GPC6: variants seen among roughly 807,000 people sequenced by gnomAD.
The protein encoded by GPC6 is glypican-6.
A neutral mutation model predicts 55.2 loss-of-function variants in GPC6; 14 were observed. The ratio of observed to expected loss-of-function variants is 0.25; its 90% CI spans 0.17 to 0.40. GPC6 has a LOEUF of 0.40. Among genes scored for constraint, GPC6 ranks in the 10% least tolerant of loss-of-function variants. GPC6 has a pLI of 1.00. For synonymous variants in GPC6, 278 were observed against 259.6 expected (o/e 1.07, Z -0.68); for missense variants, 641 against 708.5 (o/e 0.90, Z 1.08).
chr13:93,854,957 G>A (rs1888547606), intron 3 of GPC6, among the ~76,000 whole-genome samples: 2 of 151,470 alleles, frequency 1.3e-5, no homozygotes, highest in Admixed American at 6.6e-5. Flanking sequence ...CTCACCTCAT[G>A]TACAGCCTCC....
upstream of GPC6, among the ~76,000 whole-genome samples, chr13:93,222,385 G>C (rs1875649190): frequency 6.6e-6 from 1 of 152,182 alleles, no homozygotes; most frequent in Non-Finnish European, 1.5e-5. Context: ...CTTCTGGAAA[G>C]CATTCCTGAC....
At chr13:94,043,691 G>A (rs1489465727) in intron 4 of GPC6, among the ~76,000 whole-genome samples, 1 of 151,602 alleles carries the variant, frequency 6.6e-6, no homozygotes, top group East Asian at 1.9e-4. Flanking sequence ...GAGAAATCCG[G>A]TTTTCTTTAT....
At chr13:93,708,107 CATT>C (rs778554106) in intron 2 of GPC6, among the ~76,000 whole-genome samples, 1 of 151,630 alleles carries the variant, frequency 6.6e-6, no homozygotes, top group Admixed American at 6.6e-5. Context: ...TAGCGGAAAA[CATT>C]ATAAATATTT....
chr13:94,329,091 T>C (rs1287337626), intron 6 of GPC6, among the ~76,000 whole-genome samples: 2 of 152,240 alleles, frequency 1.3e-5, no homozygotes, highest in African/African-American at 2.4e-5. Context: ...CTCAGCTTTA[T>C]TTCCCTTTTG....
intron 2 of GPC6, among the ~76,000 whole-genome samples, chr13:93,693,906 C>T (rs1195926536): frequency 6.6e-6 from 1 of 152,032 alleles, no homozygotes; most frequent in Non-Finnish European, 1.5e-5. Context: ...TGTTTCATGC[C>T]CACCTTCTAT....
At chr13:93,259,956 T>A (rs1877084935) in intron 1 of GPC6, among the ~76,000 whole-genome samples, 1 of 152,092 alleles carries the variant, frequency 6.6e-6, no homozygotes, top group South Asian at 2.1e-4. Flanking sequence ...TAAAACACAT[T>A]TTTGAAGTTC....
In GPC6 at chr13:93,552,065, C is replaced by T. The variant is rs188820346; in HGVS notation, c.319+6644C>T. Among the ~76,000 whole-genome samples the T allele has an allele frequency of 4.6e-3, 704 of 152,242 alleles. 1 individual carries two copies. Among genetic ancestry groups the T allele is most frequent in the Non-Finnish European group, 7.8e-3 (529 of 68,008 alleles). On this transcript the variant is annotated intron_variant, in intron 2 of 8. Coordinates refer to ENST00000377047, the MANE Select transcript of GPC6 (RefSeq NM_005708.5). ...AATTCATAGGGCTTATAATGTTAATCATTCTAGGAAGTAATTAGCTGAATG... is the reference window on the plus strand; with the variant it reads ...AATTCATAGGGCTTATAATGTTAATTATTCTAGGAAGTAATTAGCTGAATG...
chr13:94,054,208 G>A (rs775429942), intron 4 of GPC6, among the ~76,000 whole-genome samples: 3 of 152,130 alleles, frequency 2.0e-5, no homozygotes, highest in East Asian at 1.9e-4. Flanking sequence ...TACCCGCCCC[G>A]CCATTCCTAA....
At chr13:93,988,197 T>C (rs1262555939) in intron 3 of GPC6, among the ~76,000 whole-genome samples, 1 of 152,170 alleles carries the variant, frequency 6.6e-6, no homozygotes, top group African/African-American at 2.4e-5. Context: ...TCTAAAAAGT[T>C]TTCTAGGTGA....
At chr13:93,998,398 C>T (rs533138347) in intron 3 of GPC6, among the ~76,000 whole-genome samples, 10 of 152,126 alleles carry the variant, frequency 6.6e-5, no homozygotes, top group Non-Finnish European at 1.3e-4. Flanking sequence ...CCAATATGCA[C>T]AAAACTCAAG....
chr13:93,992,540 T>C (rs1881358287), intron 3 of GPC6, among the ~76,000 whole-genome samples: 1 of 152,166 alleles, frequency 6.6e-6, no homozygotes, highest in Admixed American at 6.5e-5. Flanking sequence ...TAACAGAATA[T>C]TTTCCTTGCT....
rs1253193369 is a variant in GPC6 at position 93,489,736 on chromosome 13, G to A, written c.161-55527G>A. On this transcript the variant is annotated intron_variant, in intron 1 of 8. Coordinates refer to ENST00000377047, the MANE Select transcript of GPC6 (RefSeq NM_005708.5). ...GTATTTTATTCTCTTTGAAGCAATT[G>A]TGAATGGGAGTTCACTCATGATTTG... Among the ~76,000 whole-genome samples the A allele has an allele frequency of 2.6e-5, 4 of 151,300 alleles. 1 individual carries two copies. The highest frequency in any genetic ancestry group is 7.3e-5 in the African/African-American group (3 of 41,368).
intron 1 of GPC6, among the ~76,000 whole-genome samples, chr13:93,437,476 A>T (rs1877616104): frequency 6.6e-6 from 1 of 152,256 alleles, no homozygotes; most frequent in South Asian, 2.1e-4. Context: ...ACACATGATA[A>T]GAAAGTGAAA....
chr13:94,399,783 C>A (rs1881050989), intron 8 of GPC6, among the ~76,000 whole-genome samples: 1 of 152,176 alleles, frequency 6.6e-6, no homozygotes, highest in Non-Finnish European at 1.5e-5. Flanking sequence ...TAAAATTCCT[C>A]AAAATAATCC....
intron 4 of GPC6, among the ~76,000 whole-genome samples, chr13:94,174,605 A>G (rs184403473): frequency 1.1e-3 from 165 of 152,264 alleles, no homozygotes; most frequent in African/African-American, 3.7e-3. Context: ...ATGTAAGAAA[A>G]AAATACAGAC....
At chr13:93,438,055 G>A (rs1288061910) in intron 1 of GPC6, among the ~76,000 whole-genome samples, 1 of 152,136 alleles carries the variant, frequency 6.6e-6, no homozygotes, top group Non-Finnish European at 1.5e-5. Flanking sequence ...AACCTGGATT[G>A]ACAGTGCACC....
At chr13:93,524,100 G>A (rs1048620909) in intron 1 of GPC6, among the ~76,000 whole-genome samples, 3 of 152,012 alleles carry the variant, frequency 2.0e-5, no homozygotes, top group African/African-American at 7.2e-5. Flanking sequence ...AATAAGGGCT[G>A]TGTGACCTTG....
intron 1 of GPC6, among the ~76,000 whole-genome samples, chr13:93,242,876 CACAATCCAGGTTGGT>C (rs1876480606): frequency 6.6e-6 from 1 of 151,974 alleles, no homozygotes; most frequent in Non-Finnish European, 1.5e-5. Context: ...GTGGGGTTGC[CACAATCCAGGTTGGT>C]ACTGAGGCAT....
At chr13:93,449,626 G>A (rs534691993) in intron 1 of GPC6, among the ~76,000 whole-genome samples, 120 of 152,136 alleles carry the variant, frequency 7.9e-4, no homozygotes, top group African/African-American at 2.6e-3. Flanking sequence ...TCAGGAGTTC[G>A]AAACCAGCTT....
Sources: allele counts gnomAD v4.1 joint callset (sites outside exome capture counted in the v4.1 genomes callset), GRCh38; gene constraint gnomAD v4.1.1; transcripts MANE v1.5; gene names NCBI Gene and HGNC (gene_info 2026-07-23, HGNC 2026-07-21).